The following USP48 variants were observed in gnomAD, a reference collection of about 807,000 sequenced individuals.
The protein encoded by USP48 is ubiquitin carboxyl-terminal hydrolase 48.
USP48 carries 43 observed loss-of-function variants against 150.7 expected under a neutral mutation model. The ratio of observed to expected loss-of-function variants is 0.29; its 90% CI spans 0.22 to 0.37. USP48 has a LOEUF of 0.37. USP48 is among the 10% of genes least tolerant of loss of function. The pLI, the probability that USP48 is intolerant of heterozygous loss-of-function variation, is 1.00. For missense variants in USP48, 813 were observed against 1,249.6 expected (o/e 0.65, Z 5.27); for synonymous variants, 396 against 425.9 (o/e 0.93, Z 0.86).
rs1021148141 is a variant in USP48, at chr1:21,708,790, C to A, written c.1964-1922G>T. ...ATTGCAGCTACATGGGAGGCTGAGGCAGGAGAATCGCTTGAACCCGGGAGG... is the reference window on the plus strand; with the variant it reads ...ATTGCAGCTACATGGGAGGCTGAGGAAGGAGAATCGCTTGAACCCGGGAGG... On this transcript the variant is annotated intron_variant, in intron 15 of 26. Transcript: ENST00000308271. Among the ~76,000 whole-genome samples, 5 of 142,286 alleles carry A rather than the reference C, an allele frequency of 3.5e-5. No homozygotes were observed. In the East Asian group the frequency reaches 1.1e-3, roughly 30 times the overall value. 93.3% of individuals were successfully genotyped at this position (142,286 alleles called of 152,430 possible).
At chr1:21,765,836 C>T (rs369863333) in intron 1 of USP48, among the ~76,000 whole-genome samples, 3 of 131,390 alleles carry the variant, frequency 2.3e-5, no homozygotes, top group African/African-American at 5.9e-5. Flanking sequence ...ACTACGAAGC[C>T]GAGGTTGCAG....
chr1:21,704,075 A>G lies in USP48; in HGVS notation c.2515+187T>C, dbSNP rs541306802. Among the ~76,000 whole-genome samples, 4 of 152,272 alleles carry G rather than the reference A, an allele frequency of 2.6e-5. No homozygotes were observed. The South Asian group carries it at 8.3e-4, about 32-fold the overall frequency. On this transcript the variant is annotated intron_variant, in intron 20 of 26. Transcript: ENST00000308271. ...CACTATATTCTATTACATGCAAATG[A>G]TAAGGAAATCCATTTACTGTCCATA...
chr1:21,782,771 G>A, intron 1 of USP48, 53 bp downstream of exon 1: 2 of 1,487,682 alleles, frequency 1.3e-6, no homozygotes, highest in African/African-American at 1.4e-5. Flanking sequence ...CCCCGCCCGG[G>A]CTTTCCAAGG....
chr1:21,720,693 A>T (rs2097718079), intron 14 of USP48, among the ~76,000 whole-genome samples: 1 of 151,682 alleles, frequency 6.6e-6, no homozygotes, highest in South Asian at 2.1e-4. Flanking sequence ...ACTCCTGGCT[A>T]ATTATTTTTG....
Position 21,721,022 on chromosome 1 carries a change from G to A in USP48, c.1894+14C>T, listed in dbSNP as rs1291963009. On this transcript the variant is annotated intron_variant, in intron 14 of 26. Coordinates refer to ENST00000308271, the MANE Select transcript of USP48 (RefSeq NM_032236.8). ...TAGTTTCACAATGATCTACACATAG[G>A]TTTAAAGTGTTACCTTTATTTAAGG... 1.2e-6 allele frequency: 2 copies of A among 1,613,956 alleles called. No homozygotes were observed. The highest frequency in any genetic ancestry group is 1.1e-5 in the South Asian group (1 of 91,070).
chr1:21,728,064 G>A lies in USP48; in HGVS notation c.1450+506C>T, dbSNP rs575635163. On this transcript the variant is annotated intron_variant, in intron 11 of 26. Transcript: ENST00000308271. ...AGAAAAGGGATAAGCTGGATTATGT[G>A]GGATATTTCTAAGAAATCAGGGGTC... is the stretch of plus-strand genomic sequence containing the variant. The A allele has an allele frequency of 2.9e-5, 29 of 985,538 alleles. No individual in the cohort carries two copies. The African/African-American group carries it at 4.9e-4, about 17-fold the overall frequency. The allele number at this position is 985,538 out of a possible 1,614,324, so 61.0% of individuals were successfully genotyped here. A position where few individuals can be genotyped will look rare whatever the true frequency, so the allele number is the denominator to read the frequency against.
At chr1:21,700,116 CAG>C (rs1169762345) in intron 22 of USP48, among the ~76,000 whole-genome samples, 1 of 151,618 alleles carries the variant, frequency 6.6e-6, no homozygotes, top group Admixed American at 6.6e-5. Flanking sequence ...TATATGCACA[CAG>C]AGTTTAATAA....
chr1:21,703,337 T>C (rs180879809), intron 21 of USP48, among the ~76,000 whole-genome samples, 175 bp downstream of exon 21: 99 of 152,314 alleles, frequency 6.5e-4, no homozygotes, highest in African/African-American at 2.1e-3. Flanking sequence ...TAAATTCTCA[T>C]ATAATCACAT....
At chr1:21,708,543 T>C (rs1377597367) in intron 15 of USP48, among the ~76,000 whole-genome samples, 2 of 151,914 alleles carry the variant, frequency 1.3e-5, no homozygotes, top group Non-Finnish European at 2.9e-5. Flanking sequence ...CCCAGGTCTA[T>C]AGCTCATTCG....
intron 22 of USP48, among the ~76,000 whole-genome samples, chr1:21,695,782 A>T (rs1220234956): frequency 6.6e-6 from 1 of 152,244 alleles, no homozygotes; most frequent in Non-Finnish European, 1.5e-5. Context: ...TTAGTTCATG[A>T]ACAACCTGAA....
intron 3 of USP48, among the ~76,000 whole-genome samples, chr1:21,755,287 G>A (rs781502147): frequency 0.076 from 11,605 of 152,062 alleles, 498 homozygotes; most frequent in Middle Eastern, 0.11. Context: ...AAGGCCAGGT[G>A]CTGTGGCTCA....
At chr1:21,711,936 A>G (rs1313186961) in intron 15 of USP48, among the ~76,000 whole-genome samples, 2 of 152,220 alleles carry the variant, frequency 1.3e-5, no homozygotes, top group Non-Finnish European at 2.9e-5. Flanking sequence ...ACAACTAAAT[A>G]CCTAGGCAAA....
intron 1 of USP48, among the ~76,000 whole-genome samples, chr1:21,758,105 G>A (rs561919208): frequency 2.0e-5 from 3 of 150,918 alleles, no homozygotes; most frequent in Admixed American, 6.6e-5. Flanking sequence ...TCTGTTAATT[G>A]CAAAATATTG....
At chr1:21,765,022 C>T (rs1006319903) in intron 1 of USP48, among the ~76,000 whole-genome samples, 1 of 152,122 alleles carries the variant, frequency 6.6e-6, no homozygotes. Flanking sequence ...TATCATATAA[C>T]CCTGCAGGAA....
In USP48 at chr1:21,701,707, C is replaced by T. The variant is rs1320455325; in HGVS notation, c.2623-105G>A. 3.8e-6 allele frequency: 3 copies of T among 783,344 alleles called. No homozygotes were observed. In the African/African-American group the frequency reaches 5.2e-5, roughly 13 times the overall value. 48.5% of individuals were successfully genotyped at this position (783,344 alleles called of 1,614,324 possible). A position where few individuals can be genotyped will look rare whatever the true frequency, so the allele number is the denominator to read the frequency against. ...GCAACCTTTATCAAGACGAGGAACA[C>T]CTTTATCATGGTGGGATTATAGACT... On this transcript the variant is annotated intron_variant, in intron 21 of 26. Coordinates refer to ENST00000308271, the MANE Select transcript of USP48 (RefSeq NM_032236.8).
intron 1 of USP48, among the ~76,000 whole-genome samples, chr1:21,769,039 T>G (rs929778762): frequency 6.6e-6 from 1 of 152,196 alleles, no homozygotes; most frequent in African/African-American, 2.4e-5. Flanking sequence ...GTTTTCCCCA[T>G]GTATGTCTCC....
intron 14 of USP48, among the ~76,000 whole-genome samples, chr1:21,716,374 C>G (rs1368440858): frequency 2.0e-5 from 3 of 152,126 alleles, no homozygotes; most frequent in African/African-American, 7.2e-5. Flanking sequence ...GCATGTATAG[C>G]ACAGATAAGC....
chr1:21,693,766 A>G (rs1046160024), intron 23 of USP48, among the ~76,000 whole-genome samples: 2 of 152,236 alleles, frequency 1.3e-5, no homozygotes, highest in East Asian at 1.9e-4. Context: ...TAAAAGGTAC[A>G]ATAACAGAGT....
chr1:21,778,884 C>T (rs1179563345), intron 1 of USP48, among the ~76,000 whole-genome samples: 1 of 151,886 alleles, frequency 6.6e-6, no homozygotes, highest in Non-Finnish European at 1.5e-5. Context: ...CGGGTTTATG[C>T]CATTCTCCTG....
Sources: gnomAD v4.1 joint callset for allele counts (sites outside exome capture counted in the v4.1 genomes callset) on GRCh38, gnomAD v4.1.1 for gene constraint, MANE v1.5 for transcripts, NCBI Gene and HGNC (gene_info 2026-07-23, HGNC 2026-07-21) for gene names.